The following RECQL5 variants were observed in gnomAD, a reference collection of about 807,000 sequenced individuals.
The protein encoded by RECQL5 is RecQ like helicase 5, also known as ATP-dependent DNA helicase Q5.
Under a neutral mutation model 103.4 loss-of-function variants are expected in RECQL5, and 88 were observed. That is an observed-to-expected ratio of 0.85 (90% CI 0.72 to 1.02). RECQL5 has a LOEUF of 1.02. RECQL5 is among the 50% of genes least tolerant of loss of function. The pLI, the probability that RECQL5 is intolerant of heterozygous loss-of-function variation, is 0.00. For missense variants in RECQL5, 1,232 were observed against 1,284.3 expected (o/e 0.96, Z 0.62); for synonymous variants, 552 against 507.9 (o/e 1.09, Z -1.17).
chr17:75,632,143 C>T (rs576671877), intron 8 of RECQL5, among the ~76,000 whole-genome samples: 2 of 152,172 alleles, frequency 1.3e-5, no homozygotes, highest in Non-Finnish European at 2.9e-5. Context: ...ACAGTCATGC[C>T]CCATGGAATG....
rs2059215930 is a variant in RECQL5 at position 75,631,622 on chromosome 17, C to T, written c.1276G>A (p.Ala426Thr). 1 of 1,612,182 alleles carries T rather than the reference C, an allele frequency of 6.2e-7. No homozygotes were observed. Among genetic ancestry groups the T allele is most frequent in the African/African-American group, 1.3e-5 (1 of 74,930 alleles). ...IAKYFGDALPACAKGCDHCQN... is the reference protein window; with the variant it reads ...IAKYFGDALPTCAKGCDHCQN... ...CAGTGGTCGCAGCCTTTGGCGCAGG[C>T]AGGCAGCGCATCCCCGAAGTACTTG... The change falls in exon 9 of 20, where the codon GCC (alanine) becomes ACC (threonine). Residue 426 changes from alanine to threonine, a missense_variant. Physicochemically the swap from Ala to Thr is moderately conservative, Grantham distance 58 (BLOSUM62 0). Coordinates refer to ENST00000317905, the MANE Select transcript of RECQL5 (RefSeq NM_004259.7).
In RECQL5 at chr17:75,658,448, A is replaced by G. The variant is rs1034115514; in HGVS notation, c.999T>C (p.His333=). Residue 333 remains histidine (H), a synonymous_variant, in exon 7 of 20, where the codon CAT becomes CAC. Coordinates refer to ENST00000317905, the MANE Select transcript of RECQL5 (RefSeq NM_004259.7). ...CAGCCATAGACTTGGCAATATTCCA[A>G]TGGGCGACAAACCTGTAGGATCCAA... ...VDKANVRFVA[H]WNIAKSMAGY... is the part of the protein sequence containing the mutation. 11 of 1,613,588 alleles carry G rather than the reference A, an allele frequency of 6.8e-6. No individual in the cohort carries two copies. Among genetic ancestry groups the G allele is most frequent in the Non-Finnish European group, 9.3e-6 (11 of 1,179,660 alleles).
intron 8 of RECQL5, chr17:75,638,649 C>G (rs2059373833): frequency 6.6e-6 from 1 of 152,238 alleles, no homozygotes; most frequent in South Asian, 2.1e-4. Context: ...AGACCCGTCC[C>G]GGGGGGGCAT....
chr17:75,662,609 G>C lies in RECQL5; in HGVS notation c.641C>G (p.Ala214Gly). 1 of 1,614,192 alleles carries C rather than the reference G, an allele frequency of 6.2e-7. No homozygotes were observed. Among genetic ancestry groups the C allele is most frequent in the Non-Finnish European group, 8.5e-7 (1 of 1,180,042 alleles). The change falls in exon 4 of 20, where the codon GCC (alanine) becomes GGC (glycine). Residue 214 changes from alanine to glycine, a missense_variant. Physicochemically the swap from Ala to Gly is moderately conservative, Grantham distance 60. Transcript: ENST00000317905. ...CCGGAAGCAGGGAGTCTTGAAGATG[G>C]CAACTGGTTTCTTCAGGTGCAGGGC... ...FAALHLKKPV[A>G]IFKTPCFRAN... is the part of the protein sequence containing the mutation.
chr17:75,630,929 C>A, intron 11 of RECQL5, 45 bp downstream of exon 11: 2 of 1,607,120 alleles, frequency 1.2e-6, no homozygotes, highest in Non-Finnish European at 1.7e-6. Flanking sequence ...TCCCTCCATG[C>A]CCCGGGAAGA....
At chr17:75,661,796 T>A (rs2059703207) in intron 4 of RECQL5, 88 bp from the exon 5 acceptor site, 3 of 969,496 alleles carry the variant, frequency 3.1e-6, no homozygotes, top group Non-Finnish European at 4.8e-6. Context: ...AAAGAAGCTC[T>A]GTGTTCCTTC....
rs2059171928 is a variant in RECQL5 at position 75,629,777 on chromosome 17, G to A, written c.1878C>T (p.Ser626=). ...CCGGGGGCTCAGCTTGGGCACTGCA[G>A]CTCTTGGCACTGCCTCCCATGTCAT... ...QPYDMGGSAK[S]CSAQAEPPEP... Residue 626 remains serine, a synonymous_variant, in exon 15 of 20, where the codon AGC becomes AGT. Coordinates refer to ENST00000317905, the MANE Select transcript of RECQL5 (RefSeq NM_004259.7). The A allele has an allele frequency of 6.2e-7, 1 of 1,613,718 alleles. No individual in the cohort carries two copies. Among genetic ancestry groups the A allele is most frequent in the East Asian group, 2.2e-5 (1 of 44,886 alleles).
chr17:75,626,899 T>C lies in RECQL5; in HGVS notation c.*523A>G. The C allele has an allele frequency of 2.8e-6, 1 of 356,158 alleles. No homozygotes were observed. Among genetic ancestry groups the C allele is most frequent in the South Asian group, 2.3e-5 (1 of 42,798 alleles). The allele number at this position is 356,158 out of a possible 1,614,324, so 22.1% of individuals were successfully genotyped here. ...CCACAACAACACAACTTTATTCCTC[T>C]CCCAAACATCTGTCAGGCCTGGCCT... is the stretch of plus-strand genomic sequence containing the variant. On this transcript the variant is annotated 3_prime_UTR_variant, in exon 20 of 20. Transcript: ENST00000317905.
At chr17:75,643,326 C>A (rs1348796580) in intron 8 of RECQL5, among the ~76,000 whole-genome samples, 1 of 152,246 alleles carries the variant, frequency 6.6e-6, no homozygotes. Context: ...GCTTCCCCAG[C>A]CCAGCTGCGG....
At position 75,630,231 on chromosome 17, in the gene RECQL5, G is replaced by A. The variant is rs780135537; in HGVS notation, c.1765C>T (p.Arg589Trp). Residue 589 changes from arginine (R) to tryptophan (W), a missense_variant, in exon 14 of 20, where the codon CGG (arginine) becomes TGG (tryptophan). By Grantham distance (101) the Arg-to-Trp change is moderately radical (BLOSUM62 -3). Coordinates refer to ENST00000317905, the MANE Select transcript of RECQL5 (RefSeq NM_004259.7). ...TAGAGGTTGGCCACCTTGGCGTTCCGGAATGTCTCATGTTCCAGCTCCACG... is the reference window on the plus strand; with the variant it reads ...TAGAGGTTGGCCACCTTGGCGTTCCAGAATGTCTCATGTTCCAGCTCCACG... ...KAVELEHETF[R>W]NAKVANLYKA... 71 of 1,561,354 alleles carry A rather than the reference G, an allele frequency of 4.5e-5. 2 individuals carry two copies. Among genetic ancestry groups the A allele is most frequent in the Middle Eastern group, 3.3e-4 (2 of 6,020 alleles).
At chr17:75,644,460 A>G (rs1399710745) in intron 8 of RECQL5, among the ~76,000 whole-genome samples, 1 of 151,958 alleles carries the variant, frequency 6.6e-6, no homozygotes, top group Non-Finnish European at 1.5e-5. Context: ...AAAAAAAATT[A>G]GCCAGGTGTG....
intron 5 of RECQL5, 97 bp from the exon 6 acceptor site, chr17:75,661,163 A>C (rs2059694007): frequency 1.1e-6 from 1 of 889,910 alleles, no homozygotes; most frequent in African/African-American, 1.6e-5. Context: ...GGCACTTCAC[A>C]AACCCTGAAT....
At chr17:75,660,608 A>G (rs1158917336) in intron 6 of RECQL5, among the ~76,000 whole-genome samples, 1 of 152,224 alleles carries the variant, frequency 6.6e-6, no homozygotes, top group Non-Finnish European at 1.5e-5. Context: ...TCTGTCATTG[A>G]CCGAAACATC....
In RECQL5 at chr17:75,641,684, C is replaced by T. The variant is rs527593069; in HGVS notation, c.1229+9502G>A. Among the ~76,000 whole-genome samples the T allele has an allele frequency of 1.5e-4, 23 of 152,394 alleles. No homozygotes were observed. In the South Asian group the frequency reaches 4.8e-3, roughly 32 times the overall value. On this transcript the variant is annotated intron_variant, in intron 8 of 19. Transcript: ENST00000317905. Reference sequence around the variant, plus strand: ...TTTGCCCAAAGGCAGGAGCTAAGCTCAGGAACAGCACTTTACTCTGTCAAC... The same window carrying T: ...TTTGCCCAAAGGCAGGAGCTAAGCTTAGGAACAGCACTTTACTCTGTCAAC...
At chr17:75,650,889 G>A in intron 8 of RECQL5, 2 of 1,449,436 alleles carry the variant, frequency 1.4e-6, no homozygotes, top group Non-Finnish European at 1.8e-6. Flanking sequence ...GCTCAGAGCT[G>A]GTCACATCCC....
intron 6 of RECQL5, 146 bp from the exon 7 acceptor site, chr17:75,658,606 T>A: frequency 1.5e-6 from 1 of 673,122 alleles, no homozygotes; most frequent in Non-Finnish European, 2.4e-6. Flanking sequence ...AAGACACCTG[T>A]AGCCCATCAG....
intron 18 of RECQL5, 23 bp downstream of exon 18, chr17:75,628,195 C>CTT: frequency 6.3e-7 from 1 of 1,592,618 alleles, no homozygotes; most frequent in Non-Finnish European, 8.6e-7. Flanking sequence ...TGGGAGAAGG[C>CTT]AGAGCCCACT....
At chr17:75,661,155 C>T (rs2059693912) in intron 5 of RECQL5, 89 bp from the exon 6 acceptor site, 1 of 954,660 alleles carries the variant, frequency 1.0e-6, no homozygotes, top group Non-Finnish European at 1.7e-6. Flanking sequence ...GTGTGCTAGG[C>T]ACTTCACAAA....
In RECQL5 at chr17:75,658,158, G is replaced by A. The variant is rs533958522; in HGVS notation, c.1149+140C>T. The A allele has an allele frequency of 1.9e-4, 139 of 735,190 alleles. No homozygotes were observed. The highest frequency in any genetic ancestry group is 2.7e-4 in the Non-Finnish European group (128 of 473,324). 45.5% of individuals were successfully genotyped at this position (735,190 alleles called of 1,614,324 possible). On this transcript the variant is annotated intron_variant, in intron 7 of 19. Transcript: ENST00000317905. ...TGTAAGCTGCCTACCTAACCAATAC[G>A]CCATTTCCCTTTGCTATACTTACAG... is the stretch of plus-strand genomic sequence containing the variant.
Sources: allele counts gnomAD v4.1 joint callset (sites outside exome capture counted in the v4.1 genomes callset), GRCh38; gene constraint gnomAD v4.1.1; transcripts MANE v1.5; gene names NCBI Gene and HGNC (gene_info 2026-07-23, HGNC 2026-07-21).